The following ESRRG variants were observed in gnomAD, a reference collection of about 807,000 sequenced individuals.
ESRRG encodes the protein estrogen related receptor gamma.
In ESRRG, 13 loss-of-function variants were observed where a neutral mutation model predicts 44.0. That is an observed-to-expected ratio of 0.30 (90% CI 0.19 to 0.47). The LOEUF is 0.47. ESRRG is among the 20% of genes least tolerant of loss of function. The pLI is 1.00. For synonymous variants in ESRRG, 215 were observed against 214.6 expected (o/e 1.00, Z -0.02); for missense variants, 395 against 580.6 (o/e 0.68, Z 3.29).
At chr1:216,661,595 A>G (rs1559084450) in intron 2 of ESRRG, among the ~76,000 whole-genome samples, 2 of 152,058 alleles carry the variant, frequency 1.3e-5, no homozygotes, top group Admixed American at 1.3e-4. Flanking sequence ...TTTGGATGAT[A>G]CCCTATATGA....
intron 1 of ESRRG, among the ~76,000 whole-genome samples, chr1:217,122,835 T>C (rs1321423739): frequency 2.6e-5 from 4 of 151,592 alleles, no homozygotes; most frequent in African/African-American, 9.7e-5. Context: ...CATGACCAGC[T>C]AATTTTCTTT....
chr1:216,634,986 C>G (rs952116753), intron 3 of ESRRG, among the ~76,000 whole-genome samples: 2 of 151,944 alleles, frequency 1.3e-5, no homozygotes, highest in African/African-American at 4.8e-5. Flanking sequence ...CTCCTCCCTC[C>G]TTTTTTCTTT....
intron 5 of ESRRG, among the ~76,000 whole-genome samples, chr1:216,543,358 T>A (rs926661037): frequency 6.6e-6 from 1 of 152,050 alleles, no homozygotes; most frequent in African/African-American, 2.4e-5. Context: ...TATTTTATTC[T>A]TTTGTACAAA....
At chr1:216,508,059 A>T (rs1314990607) in intron 6 of ESRRG, among the ~76,000 whole-genome samples, 1 of 152,216 alleles carries the variant, frequency 6.6e-6, no homozygotes, top group Non-Finnish European at 1.5e-5. Context: ...TTATCTGTTA[A>T]TTACACATAA....
chr1:216,785,798 A>G (rs2094108273), intron 2 of ESRRG, among the ~76,000 whole-genome samples: 2 of 152,076 alleles, frequency 1.3e-5, no homozygotes, highest in Non-Finnish European at 1.5e-5. Flanking sequence ...CAAATGTTCA[A>G]TGTTAAGTGT....
At chr1:217,045,370 G>C (rs562261071) in intron 1 of ESRRG, among the ~76,000 whole-genome samples, 2 of 152,270 alleles carry the variant, frequency 1.3e-5, no homozygotes, top group South Asian at 4.1e-4. Context: ...GAATCCAAGA[G>C]AAACTTCTAA....
rs577327772 is a variant in ESRRG, at chr1:216,635,467, C to T, written c.589+15506G>A. Among the ~76,000 whole-genome samples the T allele has an allele frequency of 4.7e-4, 71 of 152,250 alleles. 1 individual carries two copies. The highest frequency in any genetic ancestry group is 8.5e-4 in the Admixed American group (13 of 15,294). On this transcript the variant is annotated intron_variant, in intron 3 of 6. Transcript: ENST00000408911. ...AAGTGCTTTCTTCACCTATAATATA[C>T]CTTTTTTGTCCTGAAATGCTAGAAC...
rs543683982 is a variant in ESRRG at position 217,124,892 on chromosome 1, G to T, written c.-230+12775C>A. On this transcript the variant is annotated intron_variant, in intron 1 of 8. Coordinates refer to the ESRRG transcript ENST00000366940. ...TACACAGCTTCTGTGTAAAGAGATG[G>T]TATATGATCCCTTCTCATGCTGCCC... Among the ~76,000 whole-genome samples, 4 of 152,242 alleles carry T rather than the reference G, an allele frequency of 2.6e-5. No homozygotes were observed. In the South Asian group the frequency reaches 8.3e-4, roughly 32 times the overall value.
At chr1:217,111,143 G>C (rs1290163976) in intron 1 of ESRRG, among the ~76,000 whole-genome samples, 2 of 152,154 alleles carry the variant, frequency 1.3e-5, no homozygotes, top group Admixed American at 1.3e-4. Flanking sequence ...TCAGACACTG[G>C]GGACCAGGAG....
At chr1:216,732,944 T>C (rs189478484) in intron 2 of ESRRG, among the ~76,000 whole-genome samples, 1 of 152,084 alleles carries the variant, frequency 6.6e-6, no homozygotes, top group African/African-American at 2.4e-5. Flanking sequence ...TTGACTGCTT[T>C]CTCTTTCCCA....
At chr1:216,778,447 T>A (rs968396702) in intron 2 of ESRRG, among the ~76,000 whole-genome samples, 1 of 151,932 alleles carries the variant, frequency 6.6e-6, no homozygotes, top group South Asian at 2.1e-4. Flanking sequence ...TGGAAGAAGG[T>A]TTGAACAGCA....
chr1:216,532,517 G>T (rs535374488), intron 5 of ESRRG, among the ~76,000 whole-genome samples: 8 of 152,270 alleles, frequency 5.3e-5, no homozygotes, highest in African/African-American at 1.9e-4. Context: ...TATTGCCGAC[G>T]CAGCAAGGGG....
At chr1:216,660,883 A>G (rs935014903) in intron 2 of ESRRG, among the ~76,000 whole-genome samples, 2 of 152,210 alleles carry the variant, frequency 1.3e-5, no homozygotes, top group African/African-American at 4.8e-5. Context: ...GAAACCAAAC[A>G]GAGCATGTCA....
At chr1:217,064,782 C>T (rs980108310) in intron 1 of ESRRG, among the ~76,000 whole-genome samples, 2 of 152,122 alleles carry the variant, frequency 1.3e-5, no homozygotes, top group Admixed American at 6.6e-5. Flanking sequence ...TATGGCTGTC[C>T]TCTGAATCAG....
chr1:216,701,510 C>T (rs1458187765), intron 1 of ESRRG: 1 of 152,202 alleles, frequency 6.6e-6, no homozygotes, highest in African/African-American at 2.4e-5. Context: ...GGGTTCTCTC[C>T]TGCAAATACA....
intron 2 of ESRRG, among the ~76,000 whole-genome samples, chr1:216,794,266 G>A (rs1044429341): frequency 7.2e-5 from 11 of 152,302 alleles, no homozygotes; most frequent in African/African-American, 2.6e-4. Context: ...GGTTTAGGGA[G>A]CAGTATTTAC....
chr1:217,111,436 T>G (rs140921757), intron 1 of ESRRG, among the ~76,000 whole-genome samples: 29 of 152,278 alleles, frequency 1.9e-4, no homozygotes, highest in African/African-American at 6.0e-4. Context: ...AGCTGTAAGT[T>G]AACAAATGGG....
At chr1:216,600,677 CAAAT>C (rs944709011) in intron 3 of ESRRG, among the ~76,000 whole-genome samples, 9 of 152,120 alleles carry the variant, frequency 5.9e-5, no homozygotes, top group Non-Finnish European at 1.2e-4. Context: ...AAAAAAATCC[CAAAT>C]AAATAAATCC....
chr1:217,119,005 GGATAGATAGATAGATA>G (rs55952668), intron 1 of ESRRG, among the ~76,000 whole-genome samples: 35 of 137,486 alleles, frequency 2.5e-4, no homozygotes, highest in African/African-American at 4.8e-4. Flanking sequence ...GAAACTAGAT[GGATAGATAGATAGATA>G]GATAGATAGA....
Sources: allele counts gnomAD v4.1 joint callset (sites outside exome capture counted in the v4.1 genomes callset), GRCh38; gene constraint gnomAD v4.1.1; transcripts MANE v1.5; gene names NCBI Gene and HGNC (gene_info 2026-07-23, HGNC 2026-07-21).